Variants in DOC2B observed in about 807,000 individuals in gnomAD.
DOC2B encodes the protein double C2 domain beta.
Under a neutral mutation model 28.9 loss-of-function variants are expected in DOC2B, and 21 were observed. That is an observed-to-expected ratio of 0.73 (90% confidence interval 0.52 to 1.05). The LOEUF is 1.05. Ranked by LOEUF, DOC2B falls within the 50% of genes least tolerant of loss-of-function variation. The pLI is 0.00. For synonymous variants in DOC2B, 194 were observed against 178.1 expected, an observed-to-expected ratio of 1.09 and a Z score of -0.71; for missense variants, 384 against 421.1, an observed-to-expected ratio of 0.91 and a Z score of 0.77.
chr17:156,132 C>CG, intron 6 of DOC2B, 88 bp downstream of exon 6: 1 of 1,427,442 alleles, frequency 7.0e-7, no homozygotes, highest in Non-Finnish European at 9.3e-7. Context: ...CCCTGGGTGC[C>CG]TGCCACCTGG....
intron 6 of DOC2B, among the ~76,000 whole-genome samples, chr17:153,190 C>G (rs926759706): frequency 5.3e-5 from 8 of 152,124 alleles, no homozygotes; most frequent in Non-Finnish European, 1.2e-4. Flanking sequence ...CAGGTGGGAC[C>G]CAGCTGCAGG....
chr17:152,336 T>C (rs969474514), intron 6 of DOC2B, among the ~76,000 whole-genome samples: 1 of 152,124 alleles, frequency 6.6e-6, no homozygotes, highest in African/African-American at 2.4e-5. Flanking sequence ...GGATATTACG[T>C]GTAACTCGAC....
intron 3 of DOC2B, among the ~76,000 whole-genome samples, chr17:162,883 G>A (rs1456730677): frequency 6.6e-6 from 1 of 152,120 alleles, no homozygotes; most frequent in Non-Finnish European, 1.5e-5. Flanking sequence ...CTGCCTCGGG[G>A]GTGGCCTCTC....
At chr17:174,802 G>A (rs566170926) in intron 1 of DOC2B, among the ~76,000 whole-genome samples, 4 of 152,340 alleles carry the variant, frequency 2.6e-5, no homozygotes, top group African/African-American at 9.6e-5. Flanking sequence ...ATACTTGTTG[G>A]AAGTGTGTGC....
At chr17:163,523 C>G (rs2040227797) in intron 3 of DOC2B, 1 of 152,372 alleles carries the variant, frequency 6.6e-6, no homozygotes, top group Non-Finnish European at 1.5e-5. Flanking sequence ...TAAGTTCTGA[C>G]TTTCCATGGC....
rs1436401814 is a variant in DOC2B, at chr17:145,556, G to C, written c.*1885C>G. On this transcript the variant is annotated 3_prime_UTR_variant, in exon 9 of 9. Transcript: ENST00000613549. ...TCTCCAGGAGCAGCAGGTGGCCAGG[G>C]ACTGTGTGGGGGCTGGGGTCCTGTT... The C allele has an allele frequency of 6.6e-6, 1 of 152,616 alleles. No individual in the cohort carries two copies. Among genetic ancestry groups the C allele is most frequent in the Non-Finnish European group, 1.5e-5 (1 of 68,352 alleles). 9.5% of individuals were successfully genotyped at this position (152,616 alleles called of 1,614,324 possible).
intron 6 of DOC2B, among the ~76,000 whole-genome samples, chr17:155,312 C>G (rs77743591): frequency 0.071 from 10,810 of 152,148 alleles, 507 homozygotes; most frequent in Non-Finnish European, 0.1. Context: ...TTTAAAGTGA[C>G]AGAAATATGA....
At chr17:177,726 C>T (rs759034231) in intron 1 of DOC2B, among the ~76,000 whole-genome samples, 3 of 152,246 alleles carry the variant, frequency 2.0e-5, no homozygotes, top group African/African-American at 7.2e-5. Flanking sequence ...TAGTTGGTGC[C>T]GTAACATCGA....
chr17:165,922 C>T (rs1026349578), intron 2 of DOC2B, among the ~76,000 whole-genome samples: 13 of 152,216 alleles, frequency 8.5e-5, no homozygotes, highest in Admixed American at 2.0e-4. Context: ...ATTTGGGCCA[C>T]GTTTCCTGAC....
chr17:176,746 C>CTCT (rs1425400946), intron 1 of DOC2B, among the ~76,000 whole-genome samples: 1 of 152,208 alleles, frequency 6.6e-6, no homozygotes, highest in Non-Finnish European at 1.5e-5. Context: ...CCCACAGTGC[C>CTCT]CTGCCCTTGG....
In DOC2B at chr17:161,488, G is replaced by A. The variant is rs1018458536; in HGVS notation, c.692C>T (p.Thr231Ile). ...TTTCAGCTTCTTCAGGGGCACACGT[G>A]TCTCCCCGATGAACTCATTGTGCCG... Reference protein sequence around the residue: ...KFRHNEFIGETRVPLKKLKPN... With the variant: ...KFRHNEFIGEIRVPLKKLKPN... Residue 231 changes from threonine (T) to isoleucine (I), a missense_variant, in exon 5 of 9, where the codon ACA becomes ATA. Physicochemically the swap from Thr to Ile is moderately conservative, Grantham distance 89. Coordinates refer to ENST00000613549, the MANE Select transcript of DOC2B (RefSeq NM_003585.5). 1.9e-5 allele frequency: 29 copies of A among 1,551,626 alleles called. No homozygotes were observed. The highest frequency in any genetic ancestry group is 2.4e-5 in the Non-Finnish European group (28 of 1,147,014).
intron 1 of DOC2B, among the ~76,000 whole-genome samples, chr17:179,156 T>C (rs1476054448): frequency 1.3e-5 from 2 of 152,236 alleles, no homozygotes; most frequent in Non-Finnish European, 2.9e-5. Context: ...TGGCATGTCC[T>C]GATAATACGG....
chr17:155,206 T>C (rs1383107005), intron 6 of DOC2B, among the ~76,000 whole-genome samples: 1 of 152,106 alleles, frequency 6.6e-6, no homozygotes, highest in Non-Finnish European at 1.5e-5. Flanking sequence ...TTGCCCAGGA[T>C]GGTCTCAAAC....
At chr17:165,078 C>CTGGG (rs2040246757) in intron 2 of DOC2B, among the ~76,000 whole-genome samples, 1 of 152,134 alleles carries the variant, frequency 6.6e-6, no homozygotes, top group African/African-American at 2.4e-5. Context: ...CAGGGGCTTC[C>CTGGG]AACCACCTAC....
intron 6 of DOC2B, 60 bp downstream of exon 6, chr17:156,160 A>G: frequency 6.7e-7 from 1 of 1,482,622 alleles, no homozygotes; most frequent in Non-Finnish European, 9.0e-7. Flanking sequence ...GAGCCGGCAC[A>G]CGGACCCCCG....
intron 1 of DOC2B, among the ~76,000 whole-genome samples, chr17:175,549 T>A (rs1409104923): frequency 6.6e-6 from 1 of 152,236 alleles, no homozygotes; most frequent in African/African-American, 2.4e-5. Flanking sequence ...CCCCAACGAA[T>A]TAGCCCCCTG....
At chr17:175,372 G>A (rs1251452926) in intron 1 of DOC2B, among the ~76,000 whole-genome samples, 1 of 152,222 alleles carries the variant, frequency 6.6e-6, no homozygotes, top group Non-Finnish European at 1.5e-5. Flanking sequence ...CCAGGCAGGT[G>A]AGGCTGCTGG....
chr17:168,691 C>T (rs1350316172), intron 2 of DOC2B, among the ~76,000 whole-genome samples: 1 of 144,880 alleles, frequency 6.9e-6, no homozygotes, highest in Non-Finnish European at 1.5e-5. Flanking sequence ...GAATACGTCT[C>T]ACGAGATCTC....
intron 3 of DOC2B, chr17:163,790 G>C: frequency 3.6e-6 from 1 of 275,200 alleles, no homozygotes; most frequent in East Asian, 6.3e-5. Context: ...TTTAACCACA[G>C]AGTCCTTTGT....
Sources: allele counts gnomAD v4.1 joint callset (sites outside exome capture counted in the v4.1 genomes callset), GRCh38; gene constraint gnomAD v4.1.1; transcripts MANE v1.5; gene names NCBI Gene and HGNC (gene_info 2026-07-23, HGNC 2026-07-21).